The following ATP8A2 variants were observed in gnomAD, a reference collection of about 807,000 sequenced individuals.
ATP8A2 encodes the protein phospholipid-transporting ATPase IB.
Under a neutral mutation model 165.6 loss-of-function variants are expected in ATP8A2, and 100 were observed. The observed-to-expected ratio is 0.60, with a 90% CI of 0.51 to 0.71. The LOEUF (loss-of-function observed/expected upper bound fraction) is 0.71, where lower values mean the gene tolerates loss of function less well. Ranked by LOEUF, ATP8A2 falls within the 30% of genes least tolerant of loss-of-function variation. ATP8A2 has a pLI of 0.00. For synonymous variants in ATP8A2, 543 were observed against 548.8 expected (o/e 0.99, Z 0.15); for missense variants, 1,227 against 1,479.5 (o/e 0.83, Z 2.80).
At chr13:25,376,351 T>C (rs1303553022) in intron 1 of ATP8A2, among the ~76,000 whole-genome samples, 2 of 152,242 alleles carry the variant, frequency 1.3e-5, no homozygotes, top group Non-Finnish European at 2.9e-5. Context: ...TGCTCAGTAA[T>C]TACAGATTTT....
At chr13:25,707,736 C>A (rs1278443933) in intron 25 of ATP8A2, among the ~76,000 whole-genome samples, 1 of 152,112 alleles carries the variant, frequency 6.6e-6, no homozygotes, top group Non-Finnish European at 1.5e-5. Context: ...AAAATTATTA[C>A]CATATCATTT....
rs114881331 is a variant in ATP8A2 at position 25,774,095 on chromosome 13, C to A, written c.2569-754C>A. ...ACTTTTCTTTCAGTTTAGTAGCTCA[C>A]CTTTGTTTAATAATTAATCCCTATT... On this transcript the variant is annotated intron_variant, in intron 26 of 36. Coordinates refer to ENST00000381655, the MANE Select transcript of ATP8A2 (RefSeq NM_016529.6). Among the ~76,000 whole-genome samples, 696 of 152,174 alleles carry A rather than the reference C, an allele frequency of 4.6e-3. 4 individuals carry two copies. Among genetic ancestry groups the A allele is most frequent in the African/African-American group, 0.016 (653 of 41,526 alleles).
intron 33 of ATP8A2, among the ~76,000 whole-genome samples, chr13:25,933,647 A>C (rs1254279288): frequency 6.6e-6 from 1 of 152,168 alleles, no homozygotes. Flanking sequence ...AGGCCTTCCC[A>C]AGGGCATGGG....
intron 33 of ATP8A2, among the ~76,000 whole-genome samples, chr13:25,872,881 A>G (rs1952714961): frequency 6.6e-6 from 1 of 152,182 alleles, no homozygotes. Flanking sequence ...AAAAGAAGTT[A>G]GTGAAATAGT....
chr13:25,726,846 G>A (rs759943505), intron 25 of ATP8A2, among the ~76,000 whole-genome samples: 4 of 152,184 alleles, frequency 2.6e-5, no homozygotes, highest in Non-Finnish European at 5.9e-5. Flanking sequence ...TAGCAAGAGT[G>A]CTAGATTTTT....
chr13:25,507,257 GTGTGTGTA>G (rs201747895), intron 2 of ATP8A2, among the ~76,000 whole-genome samples: 4,827 of 93,646 alleles, frequency 0.052, 121 homozygotes, highest in Non-Finnish European at 0.058. Flanking sequence ...GTGTGTGTGT[GTGTGTGTA>G]TTTTGTTGTT....
chr13:25,930,931 T>G (rs1289976300), intron 33 of ATP8A2, among the ~76,000 whole-genome samples: 1 of 152,186 alleles, frequency 6.6e-6, no homozygotes, highest in Non-Finnish European at 1.5e-5. Flanking sequence ...TGGTCCTGCC[T>G]CTCCAGCTCC....
chr13:25,590,499 A>G (rs1465974460), intron 24 of ATP8A2, among the ~76,000 whole-genome samples: 5 of 152,214 alleles, frequency 3.3e-5, no homozygotes, highest in Admixed American at 3.3e-4. Flanking sequence ...ATGCTGCCGC[A>G]TGAACCCACC....
intron 33 of ATP8A2, among the ~76,000 whole-genome samples, chr13:25,871,411 C>T (rs1952674903): frequency 6.6e-6 from 1 of 152,172 alleles, no homozygotes; most frequent in Non-Finnish European, 1.5e-5. Flanking sequence ...ATCATCATCA[C>T]AGTTCCCCCA....
chr13:25,974,783 C>T (rs1445175044), intron 35 of ATP8A2, among the ~76,000 whole-genome samples: 2 of 152,112 alleles, frequency 1.3e-5, no homozygotes, highest in South Asian at 2.1e-4. Context: ...TCATGTCCTG[C>T]GCATCCCTGG....
rs879778879 is a variant in ATP8A2, at chr13:25,953,829, T to C, written c.3184-7746T>C. ...GAACCATGCATTCCGTCCCAGATACTATGCTTTTCCCATGGTCTTCGCAAA... is the reference window on the plus strand; with the variant it reads ...GAACCATGCATTCCGTCCCAGATACCATGCTTTTCCCATGGTCTTCGCAAA... On this transcript the variant is annotated intron_variant, in intron 33 of 36. Coordinates refer to ENST00000381655, the MANE Select transcript of ATP8A2 (RefSeq NM_016529.6). The surrounding 1 kb of genome is among the most constrained non-coding windows in gnomAD (Gnocchi z 6.7). 7.9e-5 allele frequency among the ~76,000 whole-genome samples: 12 copies of C among 152,172 alleles called. No homozygotes were observed. The highest frequency in any genetic ancestry group is 7.2e-4 in the Admixed American group (11 of 15,282).
chr13:25,569,030 A>G (rs2039395194), intron 16 of ATP8A2, among the ~76,000 whole-genome samples: 1 of 152,208 alleles, frequency 6.6e-6, no homozygotes, highest in East Asian at 1.9e-4. Context: ...CTCTTAGAAA[A>G]TATCTCACTA....
In ATP8A2 at chr13:25,953,128, C is replaced by T. The variant is rs117929188; in HGVS notation, c.3184-8447C>T. ...TTGTTTTATTTTGTTGTTGTGTTGT[C>T]GATGCTGGGTGGGAATGGATTGGAA... On this transcript the variant is annotated intron_variant, in intron 33 of 36. Coordinates refer to ENST00000381655, the MANE Select transcript of ATP8A2 (RefSeq NM_016529.6). The surrounding 1 kb of genome is among the most constrained non-coding windows in gnomAD (Gnocchi z 6.7). Among the ~76,000 whole-genome samples, 1,835 of 152,130 alleles carry T rather than the reference C, an allele frequency of 0.012. 11 individuals carry two copies. The highest frequency in any genetic ancestry group is 0.018 in the Non-Finnish European group (1,220 of 67,994).
At chr13:25,604,441 GA>G (rs1347638948) in intron 24 of ATP8A2, among the ~76,000 whole-genome samples, 1 of 152,186 alleles carries the variant, frequency 6.6e-6, no homozygotes, top group East Asian at 1.9e-4. Flanking sequence ...GAGTTTTGCT[GA>G]AACTTCTTGT....
intron 1 of ATP8A2, among the ~76,000 whole-genome samples, chr13:25,427,974 A>G (rs1452583715): frequency 6.6e-6 from 1 of 152,082 alleles, no homozygotes; most frequent in African/African-American, 2.4e-5. Context: ...AGGAGAGCAG[A>G]TCACTTCAGC....
At chr13:25,595,798 T>C (rs1347702991) in intron 24 of ATP8A2, among the ~76,000 whole-genome samples, 1 of 152,168 alleles carries the variant, frequency 6.6e-6, no homozygotes, top group African/African-American at 2.4e-5. Context: ...CATGACACAG[T>C]GCAGGGCTGT....
At chr13:25,840,772 G>T (rs1205235306) in intron 30 of ATP8A2, among the ~76,000 whole-genome samples, 1 of 152,154 alleles carries the variant, frequency 6.6e-6, no homozygotes, top group Non-Finnish European at 1.5e-5. Context: ...TGATATTTTG[G>T]TGACAGACTC....
chr13:26,011,471 TAA>T (rs1429399416), intron 35 of ATP8A2, among the ~76,000 whole-genome samples: 1 of 152,088 alleles, frequency 6.6e-6, no homozygotes. Flanking sequence ...GTACTAGGGG[TAA>T]AGACTTCAAC....
At chr13:25,386,793 C>T (rs553562921) in intron 1 of ATP8A2, among the ~76,000 whole-genome samples, 2 of 152,100 alleles carry the variant, frequency 1.3e-5, no homozygotes, top group South Asian at 4.2e-4. Flanking sequence ...GTCAGGAGAT[C>T]GAGACCAATC....
Sources: gnomAD v4.1 joint callset for allele counts (sites outside exome capture counted in the v4.1 genomes callset) on GRCh38, gnomAD v4.1.1 for gene constraint, Gnocchi (gnomAD v3.1) non-coding constraint, MANE v1.5 for transcripts, NCBI Gene and HGNC (gene_info 2026-07-23, HGNC 2026-07-21) for gene names.